Variants in CELF1 observed in about 807,000 individuals in gnomAD.
The protein encoded by CELF1 is CUGBP Elav-like family member 1, also known as 50 kDa nuclear polyadenylated RNA-binding protein.
A neutral mutation model predicts 61.8 loss-of-function variants in CELF1; 10 were observed. That is an observed-to-expected ratio of 0.16 (90% CI 0.10 to 0.27). The LOEUF is 0.27. Among genes scored for constraint, CELF1 ranks in the 10% least tolerant of loss-of-function variants. The probability of loss-of-function intolerance (pLI) is 1.00; values close to 1 mark genes in which losing one functional copy is unlikely to be tolerated. For synonymous variants in CELF1, 236 were observed against 225.1 expected, an observed-to-expected ratio of 1.05 and a Z score of -0.43; for missense variants, 380 against 639.1, an observed-to-expected ratio of 0.59 and a Z score of 4.37.
At chr11:47,541,684 GTCA>G (rs1367868644) in intron 1 of CELF1, among the ~76,000 whole-genome samples, 2 of 102,114 alleles carry the variant, frequency 2.0e-5, no homozygotes, top group African/African-American at 9.1e-5. Flanking sequence ...GGGCGAGACT[GTCA>G]AAGAAAGAAA....
chr11:47,473,368 A>G (rs956428851), intron 13 of CELF1, 137 bp from the exon 14 acceptor site: 1 of 781,358 alleles, frequency 1.3e-6, no homozygotes, highest in Non-Finnish European at 2.0e-6. Context: ...AACTAAACAG[A>G]TTCTCTAAAT....
At chr11:47,555,989 G>A, upstream of CELF1, among the ~76,000 whole-genome samples, 1 of 131,702 alleles carries the variant, frequency 7.6e-6, no homozygotes, top group Non-Finnish European at 1.5e-5. Flanking sequence ...GACACAGCAA[G>A]ACTCTGTCTC....
At chr11:47,549,961 C>A (rs559620342) in intron 1 of CELF1, among the ~76,000 whole-genome samples, 1 of 151,982 alleles carries the variant, frequency 6.6e-6, no homozygotes, top group Non-Finnish European at 1.5e-5. Flanking sequence ...GGACTACAGG[C>A]ACATGCCACC....
upstream of CELF1, among the ~76,000 whole-genome samples, chr11:47,553,816 A>T (rs780558992): frequency 0.024 from 2,782 of 116,522 alleles, 50 homozygotes; most frequent in African/African-American, 0.053. Context: ...ATATATATAT[A>T]TATTTTTTTT....
At chr11:47,502,551 G>T (rs926969774) in intron 1 of CELF1, among the ~76,000 whole-genome samples, 1 of 152,208 alleles carries the variant, frequency 6.6e-6, no homozygotes. Flanking sequence ...GTCTTAATTA[G>T]TCCGGACACG....
chr11:47,489,522 A>T (rs1391093029), intron 3 of CELF1, among the ~76,000 whole-genome samples: 1 of 152,112 alleles, frequency 6.6e-6, no homozygotes, highest in Non-Finnish European at 1.5e-5. Context: ...TTCAAGGATT[A>T]AACTAAGGAC....
At chr11:47,509,402 A>AG (rs1266597079) in intron 1 of CELF1, among the ~76,000 whole-genome samples, 1 of 152,118 alleles carries the variant, frequency 6.6e-6, no homozygotes, top group Non-Finnish European at 1.5e-5. Context: ...AAAAGCTAAG[A>AG]GGGGGGCTGG....
intron 1 of CELF1, among the ~76,000 whole-genome samples, chr11:47,543,889 C>T (rs949406983): frequency 6.6e-6 from 1 of 152,236 alleles, no homozygotes; most frequent in African/African-American, 2.4e-5. Flanking sequence ...CCCTCCTCCC[C>T]GCCTCAACTT....
At chr11:47,543,276 C>A (rs1477376914) in intron 1 of CELF1, among the ~76,000 whole-genome samples, 1 of 152,186 alleles carries the variant, frequency 6.6e-6, no homozygotes, top group East Asian at 1.9e-4. Flanking sequence ...TGTTGCGCAC[C>A]TATAGTCCCG....
chr11:47,490,838 T>G (rs1244997963), intron 3 of CELF1, among the ~76,000 whole-genome samples: 2 of 152,100 alleles, frequency 1.3e-5, no homozygotes, highest in Admixed American at 1.3e-4. Flanking sequence ...GTAGCTCACC[T>G]TCTTTTAATT....
At chr11:47,541,292 A>AC (rs11388019) in intron 1 of CELF1, among the ~76,000 whole-genome samples, 151,532 of 152,284 alleles carry the variant, frequency 1, 75,398 homozygotes, top group Middle Eastern at 1. Flanking sequence ...GCAAGAGCTT[A>AC]CTCAATCTCA....
chr11:47,534,140 T>C (rs1029948715), intron 1 of CELF1, among the ~76,000 whole-genome samples: 5 of 145,174 alleles, frequency 3.4e-5, no homozygotes, highest in African/African-American at 1.3e-4. Flanking sequence ...ACTACTCTCC[T>C]GCCTCAGCCT....
chr11:47,538,599 C>T (rs978500701), intron 1 of CELF1, among the ~76,000 whole-genome samples: 5 of 148,164 alleles, frequency 3.4e-5, no homozygotes, highest in Non-Finnish European at 5.9e-5. Flanking sequence ...GCCGAGATCG[C>T]GCCACTGCAC....
chr11:47,493,239 C>T (rs888950598), intron 3 of CELF1, among the ~76,000 whole-genome samples: 2 of 147,158 alleles, frequency 1.4e-5, no homozygotes, highest in African/African-American at 5.4e-5. Flanking sequence ...CATAGAGTAG[C>T]ACTGTTCAAA....
intron 1 of CELF1, among the ~76,000 whole-genome samples, chr11:47,520,475 T>C (rs2095827771): frequency 6.6e-6 from 1 of 152,112 alleles, no homozygotes; most frequent in Non-Finnish European, 1.5e-5. Context: ...ATGCTCCCCT[T>C]GTAAGGGCAT....
intron 2 of CELF1, among the ~76,000 whole-genome samples, chr11:47,562,459 G>T (rs189746924): frequency 1.4e-5 from 2 of 140,440 alleles, no homozygotes; most frequent in East Asian, 4.7e-4. Context: ...AGCCCAGGAG[G>T]TAGAGGTTGC....
At chr11:47,520,884 A>G (rs1477482707) in intron 1 of CELF1, among the ~76,000 whole-genome samples, 2 of 152,196 alleles carry the variant, frequency 1.3e-5, no homozygotes, top group African/African-American at 4.8e-5. Flanking sequence ...GTCTGGTACT[A>G]GTGGAGATAA....
intron 12 of CELF1, among the ~76,000 whole-genome samples, chr11:47,476,559 A>G (rs965946237): frequency 4.6e-5 from 7 of 152,024 alleles, no homozygotes; most frequent in Admixed American, 3.9e-4. Flanking sequence ...CCAAGTAGCT[A>G]GGACTACAGG....
intron 1 of CELF1, among the ~76,000 whole-genome samples, chr11:47,539,642 T>C (rs1383872220): frequency 1.3e-5 from 2 of 152,194 alleles, no homozygotes; most frequent in African/African-American, 4.8e-5. Flanking sequence ...AACTCAAAGT[T>C]ATTTCGGCTG....
Sources: allele counts gnomAD v4.1 joint callset (sites outside exome capture counted in the v4.1 genomes callset), GRCh38; gene constraint gnomAD v4.1.1; transcripts MANE v1.5; gene names NCBI Gene and HGNC (gene_info 2026-07-23, HGNC 2026-07-21).